Variants in CWC27 observed in about 807,000 individuals in gnomAD.
CWC27 encodes the protein CWC27 spliceosome associated cyclophilin.
In CWC27, 47 loss-of-function variants were observed where a neutral mutation model predicts 63.6. The ratio of observed to expected loss-of-function variants is 0.74; its 90% confidence interval spans 0.58 to 0.94. The LOEUF (loss-of-function observed/expected upper bound fraction) is 0.94, where lower values mean the gene tolerates loss of function less well. CWC27 is among the 40% of genes least tolerant of loss of function. CWC27 has a pLI of 0.00. For missense variants in CWC27, 495 were observed against 554.3 expected, an observed-to-expected ratio of 0.89 and a Z score of 1.07; for synonymous variants, 175 against 179.8, an observed-to-expected ratio of 0.97 and a Z score of 0.22.
At chr5:64,792,120 A>T (rs1192537803) in intron 7 of CWC27, among the ~76,000 whole-genome samples, 1 of 152,080 alleles carries the variant, frequency 6.6e-6, no homozygotes, top group Non-Finnish European at 1.5e-5. Context: ...TTCTTGTCCT[A>T]TTATTTCAAG....
rs114575424 is a variant in CWC27, at chr5:64,795,763, A to G, written c.670-4485A>G. On this transcript the variant is annotated intron_variant, in intron 7 of 13. Transcript: ENST00000381070. ...ATTTATATGCAAAGTCTCTTTTGCC[A>G]TGTAAGGTGATATGTTCATAGGTTC... Among the ~76,000 whole-genome samples, 1,157 of 152,196 alleles carry G rather than the reference A, an allele frequency of 7.6e-3. 19 individuals are homozygous for G. The highest frequency in any genetic ancestry group is 0.027 in the African/African-American group (1,112 of 41,508).
chr5:64,808,084 A>G, intron 10 of CWC27: 6 of 1,202,226 alleles, frequency 5.0e-6, no homozygotes, highest in Non-Finnish European at 6.2e-6. Flanking sequence ...GAACCTTACT[A>G]TTTAAAGTGT....
chr5:64,771,518 G>A (rs1449819227), intron 1 of CWC27, among the ~76,000 whole-genome samples: 1 of 152,148 alleles, frequency 6.6e-6, no homozygotes, highest in Non-Finnish European at 1.5e-5. Context: ...AGCATAAGAG[G>A]TAATTCCCTG....
intron 2 of CWC27, among the ~76,000 whole-genome samples, chr5:64,781,513 G>A (rs1048484883): frequency 6.6e-6 from 1 of 152,168 alleles, no homozygotes; most frequent in African/African-American, 2.4e-5. Flanking sequence ...ACTGTCTTTT[G>A]CAGTATAGGG....
intron 10 of CWC27, among the ~76,000 whole-genome samples, chr5:64,874,279 A>G (rs147683723): frequency 0.018 from 2,624 of 146,210 alleles, 45 homozygotes; most frequent in African/African-American, 0.051. Context: ...CTCCTGCCTC[A>G]GTGTCCTGAG....
chr5:65,001,887 C>CA lies in CWC27; in HGVS notation c.1257-16261dup, dbSNP rs35436488. Among the ~76,000 whole-genome samples the CA allele has an allele frequency of 2.5e-4, 37 of 148,606 alleles. No homozygotes were observed. In the South Asian group the frequency reaches 3.4e-3, roughly 14 times the overall value. On this transcript the variant is annotated intron_variant, in intron 13 of 13. Transcript: ENST00000381070. ...TCTTCAATTTTTTGGAATAGCTTGA[C>CA]AAAAAAAAAAATAGTGTGTGTTCTT...
chr5:64,807,997 T>A lies in CWC27; in HGVS notation c.938+3611T>A, dbSNP rs1744748043. 8 of 1,391,810 alleles carry A rather than the reference T, an allele frequency of 5.7e-6. No individual in the cohort carries two copies. In the African/African-American group the frequency reaches 7.3e-5, roughly 13 times the overall value. 86.2% of individuals were successfully genotyped at this position (1,391,810 alleles called of 1,614,324 possible). On this transcript the variant is annotated intron_variant, in intron 10 of 13. Coordinates refer to ENST00000381070, the MANE Select transcript of CWC27 (RefSeq NM_005869.4). ...GCCATCTAGTTGATAATCGACTGGC[T>A]ACTTTCCATTTTTTTTTCTTGGTCT...
chr5:64,971,935 A>T, intron 12 of CWC27, 123 bp downstream of exon 12: 1 of 522,174 alleles, frequency 1.9e-6, no homozygotes, highest in Admixed American at 3.8e-5. Flanking sequence ...AATAAAAAAG[A>T]ATATATTTAT....
intron 11 of CWC27, among the ~76,000 whole-genome samples, chr5:64,890,202 C>G (rs1309631756): frequency 1.3e-5 from 2 of 152,056 alleles, no homozygotes; most frequent in Non-Finnish European, 2.9e-5. Flanking sequence ...GCTTGTAAAT[C>G]AAGAAAAAAT....
chr5:65,017,517 T>A (rs573686627), intron 13 of CWC27, among the ~76,000 whole-genome samples: 1 of 152,268 alleles, frequency 6.6e-6, no homozygotes, highest in South Asian at 2.1e-4. Flanking sequence ...CCAGTAAGCT[T>A]TTGATGAAGT....
At chr5:64,980,116 T>C (rs896023664) in intron 13 of CWC27, among the ~76,000 whole-genome samples, 7 of 152,166 alleles carry the variant, frequency 4.6e-5, no homozygotes, top group African/African-American at 1.7e-4. Context: ...CTGAAATGCA[T>C]GATAGAAATT....
chr5:64,954,743 C>T (rs1360194688), intron 11 of CWC27, among the ~76,000 whole-genome samples: 3 of 141,072 alleles, frequency 2.1e-5, no homozygotes, highest in African/African-American at 8.2e-5. Flanking sequence ...AAACCACAAG[C>T]CACAAGCACT....
chr5:64,789,535 A>G (rs2112179764), intron 7 of CWC27, among the ~76,000 whole-genome samples: 1 of 152,258 alleles, frequency 6.6e-6, no homozygotes, highest in Admixed American at 6.5e-5. Context: ...AAGTAGCTAC[A>G]GATGGGAACT....
At chr5:64,801,439 T>A in intron 9 of CWC27, 107 bp downstream of exon 9, 1 of 913,040 alleles carries the variant, frequency 1.1e-6, no homozygotes, top group Non-Finnish European at 1.5e-6. Flanking sequence ...ATTACTTTTA[T>A]AGTTATATAT....
chr5:64,897,516 A>G (rs867139482), intron 11 of CWC27, among the ~76,000 whole-genome samples: 3 of 152,324 alleles, frequency 2.0e-5, no homozygotes, highest in Middle Eastern at 3.4e-3. Context: ...GTTCTCACTC[A>G]TAGGTGGGAG....
intron 7 of CWC27, among the ~76,000 whole-genome samples, chr5:64,795,620 T>C (rs1307985866): frequency 6.6e-6 from 1 of 152,160 alleles, no homozygotes; most frequent in Non-Finnish European, 1.5e-5. Context: ...GTCTTTCCCA[T>C]GCTGCATTAC....
At chr5:64,860,517 G>C (rs1021806478) in intron 10 of CWC27, among the ~76,000 whole-genome samples, 1 of 152,062 alleles carries the variant, frequency 6.6e-6, no homozygotes, top group Non-Finnish European at 1.5e-5. Flanking sequence ...AGATTTTCTG[G>C]TTAGATTTTC....
chr5:64,821,086 A>ATT (rs11388495), intron 10 of CWC27, among the ~76,000 whole-genome samples: 45,676 of 132,594 alleles, frequency 0.34, 8,524 homozygotes, highest in East Asian at 0.49. Flanking sequence ...AAACAAAGCA[A>ATT]TTTTTTTTTT....
At chr5:64,876,242 C>T (rs1252512270) in intron 10 of CWC27, among the ~76,000 whole-genome samples, 3 of 152,040 alleles carry the variant, frequency 2.0e-5, no homozygotes, top group Non-Finnish European at 2.9e-5. Flanking sequence ...TTGTATGAAA[C>T]ATCTATAATT....
Sources: allele counts gnomAD v4.1 joint callset (sites outside exome capture counted in the v4.1 genomes callset), GRCh38; gene constraint gnomAD v4.1.1; transcripts MANE v1.5; gene names NCBI Gene and HGNC (gene_info 2026-07-23, HGNC 2026-07-21).